ZNF385D: variants seen among roughly 807,000 people sequenced by gnomAD.
ZNF385D encodes zinc finger protein 659.
ZNF385D carries 15 observed loss-of-function variants against 35.8 expected under a neutral mutation model. The observed-to-expected ratio is 0.42, with a 90% CI of 0.28 to 0.64. The LOEUF is 0.64. Ranked by LOEUF, ZNF385D falls within the 30% of genes least tolerant of loss-of-function variation. ZNF385D has a pLI of 0.23. For synonymous variants in ZNF385D, 212 were observed against 186.8 expected (o/e 1.13, Z -1.10); for missense variants, 474 against 494.6 (o/e 0.96, Z 0.39).
intron 3 of ZNF385D, among the ~76,000 whole-genome samples, chr3:22,086,141 A>T (rs13099801): frequency 1.3e-5 from 2 of 152,160 alleles, no homozygotes; most frequent in Admixed American, 6.5e-5. Context: ...GAAAACTGGC[A>T]CAAGACAGGG....
rs116640359 is a variant in ZNF385D at position 22,072,289 on chromosome 3, G to T, written c.325+96528C>A. The stretch of plus-strand genomic sequence containing the variant: ...GCGAAAGCCATGTACAACAGATGCT[G>T]TGACCTTACTTTGGCATTATATACT... On this transcript the variant is annotated intron_variant, in intron 3 of 5. Transcript: ENST00000494108. Among the ~76,000 whole-genome samples the T allele has an allele frequency of 2.5e-3, 373 of 152,170 alleles. 1 individual carries two copies. Among genetic ancestry groups the T allele is most frequent in the African/African-American group, 8.6e-3 (359 of 41,524 alleles).
intron 3 of ZNF385D, among the ~76,000 whole-genome samples, chr3:22,141,895 G>C (rs551819952): frequency 1.3e-5 from 2 of 152,322 alleles, no homozygotes; most frequent in Non-Finnish European, 2.9e-5. Flanking sequence ...AGACAGTACT[G>C]TTTGCCTTGT....
chr3:21,532,700 C>A (rs950127671), intron 3 of ZNF385D, among the ~76,000 whole-genome samples: 1 of 149,886 alleles, frequency 6.7e-6, no homozygotes, highest in Admixed American at 6.7e-5. Flanking sequence ...AAAAACAGAT[C>A]TAGTAACTTT....
intron 2 of ZNF385D, among the ~76,000 whole-genome samples, chr3:22,230,882 T>A (rs749700825): frequency 6.6e-6 from 1 of 152,170 alleles, no homozygotes; most frequent in Non-Finnish European, 1.5e-5. Flanking sequence ...AGCCAGTCAT[T>A]AGAGAAATAA....
chr3:21,475,502 A>G (rs937696977), intron 4 of ZNF385D, among the ~76,000 whole-genome samples: 3 of 152,252 alleles, frequency 2.0e-5, no homozygotes, highest in African/African-American at 7.2e-5. Context: ...TACTAAAACA[A>G]AAGGTTTATC....
intron 3 of ZNF385D, among the ~76,000 whole-genome samples, chr3:22,027,027 C>A (rs1234174910): frequency 6.6e-6 from 1 of 152,214 alleles, no homozygotes; most frequent in African/African-American, 2.4e-5. Context: ...ATTGACTTGG[C>A]AAATTTCTTT....
intron 2 of ZNF385D, among the ~76,000 whole-genome samples, chr3:21,591,185 A>G (rs532847183): frequency 1.3e-5 from 2 of 152,164 alleles, no homozygotes; most frequent in African/African-American, 4.8e-5. Context: ...GACAGACCAC[A>G]TCTCAAAACA....
chr3:22,100,493 A>G (rs1292761911), intron 3 of ZNF385D, among the ~76,000 whole-genome samples: 1 of 152,088 alleles, frequency 6.6e-6, no homozygotes, highest in Non-Finnish European at 1.5e-5. Context: ...CCATGGATAT[A>G]CTATGCAGCC....
At chr3:22,027,894 C>T (rs948888275) in intron 3 of ZNF385D, among the ~76,000 whole-genome samples, 3 of 152,178 alleles carry the variant, frequency 2.0e-5, no homozygotes, top group Non-Finnish European at 4.4e-5. Context: ...GATGGTTCTG[C>T]ACTATATGCA....
chr3:21,597,080 TACTG>T (rs1267335886), intron 2 of ZNF385D, among the ~76,000 whole-genome samples: 11 of 152,242 alleles, frequency 7.2e-5, no homozygotes, highest in East Asian at 5.8e-4. Context: ...TCGAAAAAAA[TACTG>T]ACCACTGACT....
At chr3:21,819,696 G>GTA (rs905797601) in intron 3 of ZNF385D, among the ~76,000 whole-genome samples, 3 of 142,736 alleles carry the variant, frequency 2.1e-5, no homozygotes, top group South Asian at 2.2e-4. Flanking sequence ...GTGTACGTGT[G>GTA]TATATATATA....
At chr3:21,886,051 C>A (rs1356496132) in intron 3 of ZNF385D, among the ~76,000 whole-genome samples, 1 of 152,058 alleles carries the variant, frequency 6.6e-6, no homozygotes, top group Non-Finnish European at 1.5e-5. Flanking sequence ...TAATGTTTGA[C>A]CAAATATCTG....
In ZNF385D at chr3:21,860,039, G is replaced by A. The variant is rs143989727; in HGVS notation, c.326-195011C>T. On this transcript the variant is annotated intron_variant, in intron 3 of 5. Transcript: ENST00000494108. ...GAAAACTTGGAACCCACTTTTTTGG[G>A]ACTAGAATTTTTCACTAAATCACAG... is the stretch of plus-strand genomic sequence containing the variant. Among the ~76,000 whole-genome samples, 503 of 152,018 alleles carry A rather than the reference G, an allele frequency of 3.3e-3. 1 individual carries two copies. The highest frequency in any genetic ancestry group is 0.012 in the African/African-American group (485 of 41,486).
intron 3 of ZNF385D, among the ~76,000 whole-genome samples, chr3:21,903,140 A>C (rs1313159524): frequency 1.3e-5 from 2 of 152,174 alleles, no homozygotes; most frequent in East Asian, 3.8e-4. Flanking sequence ...TGAGACCAGA[A>C]GATCAACTAA....
At chr3:21,585,942 G>C (rs893776225) in intron 2 of ZNF385D, among the ~76,000 whole-genome samples, 1 of 152,044 alleles carries the variant, frequency 6.6e-6, no homozygotes, top group Non-Finnish European at 1.5e-5. Context: ...GGTGAGGTAG[G>C]GGAACTACTT....
At chr3:21,738,574 G>A (rs1241848012) in intron 1 of ZNF385D, among the ~76,000 whole-genome samples, 2 of 152,150 alleles carry the variant, frequency 1.3e-5, no homozygotes, top group African/African-American at 4.8e-5. Flanking sequence ...CTGAGGCTCA[G>A]GACAATTCAC....
intron 3 of ZNF385D, among the ~76,000 whole-genome samples, chr3:22,068,011 GA>G (rs11461604): frequency 4.7e-5 from 7 of 149,630 alleles, no homozygotes; most frequent in East Asian, 2.0e-4. Flanking sequence ...GACTCCACTG[GA>G]AAAAAAAAAA....
intron 2 of ZNF385D, among the ~76,000 whole-genome samples, chr3:21,645,407 T>G (rs927893394): frequency 6.6e-6 from 1 of 152,152 alleles, no homozygotes; most frequent in African/African-American, 2.4e-5. Flanking sequence ...TTGCAGACAC[T>G]AGTTTAAGCT....
intron 3 of ZNF385D, among the ~76,000 whole-genome samples, chr3:21,977,936 C>T (rs1576063904): frequency 6.6e-6 from 1 of 152,138 alleles, no homozygotes; most frequent in Non-Finnish European, 1.5e-5. Flanking sequence ...AAGCACACTG[C>T]CCCACCAATT....
Sources: gnomAD v4.1 joint callset for allele counts (sites outside exome capture counted in the v4.1 genomes callset) on GRCh38, gnomAD v4.1.1 for gene constraint, MANE v1.5 for transcripts, NCBI Gene and HGNC (gene_info 2026-07-23, HGNC 2026-07-21) for gene names.